KLHL1: variants seen among roughly 807,000 people sequenced by gnomAD.
KLHL1 encodes kelch like family member 1, also known as kelch-like protein 1.
KLHL1 carries 47 observed loss-of-function variants against 77.7 expected under a neutral mutation model. The ratio of observed to expected loss-of-function variants is 0.60; its 90% CI spans 0.48 to 0.77. The LOEUF is 0.77. Ranked by LOEUF, KLHL1 falls within the 30% of genes least tolerant of loss-of-function variation. KLHL1 has a pLI of 0.00. For missense variants in KLHL1, 925 were observed against 910.8 expected (o/e 1.02, Z -0.20); for synonymous variants, 360 against 325.2 (o/e 1.11, Z -1.15).
chr13:70,012,090 T>C (rs1266854694), intron 1 of KLHL1, among the ~76,000 whole-genome samples: 1 of 152,054 alleles, frequency 6.6e-6, no homozygotes, highest in Non-Finnish European at 1.5e-5. Context: ...CCCACCCCCA[T>C]GATTCCATTA....
At chr13:69,710,844 G>A (rs118068513) in intron 9 of KLHL1, among the ~76,000 whole-genome samples, 2,942 of 151,920 alleles carry the variant, frequency 0.019, 54 homozygotes, top group South Asian at 0.046. Flanking sequence ...GGTGGGTGTG[G>A]GGTCTTACTG....
intron 1 of KLHL1, among the ~76,000 whole-genome samples, chr13:70,102,176 T>G (rs1887937378): frequency 6.6e-6 from 1 of 152,170 alleles, no homozygotes; most frequent in Non-Finnish European, 1.5e-5. Flanking sequence ...GCCTGGTACA[T>G]GTCCCACTAA....
intron 1 of KLHL1, among the ~76,000 whole-genome samples, chr13:70,049,027 T>G (rs575537451): frequency 1.3e-5 from 2 of 152,244 alleles, no homozygotes; most frequent in Non-Finnish European, 2.9e-5. Context: ...TCATTTGTGA[T>G]AGCTTAGCCA....
At chr13:69,815,859 C>G (rs959572033) in intron 6 of KLHL1, among the ~76,000 whole-genome samples, 4 of 151,798 alleles carry the variant, frequency 2.6e-5, no homozygotes, top group Non-Finnish European at 5.9e-5. Flanking sequence ...AACCTCCAAC[C>G]ATCTAAATAT....
At chr13:70,004,232 G>T (rs2501244) in intron 1 of KLHL1, among the ~76,000 whole-genome samples, 1,884 of 151,814 alleles carry the variant, frequency 0.012, 35 homozygotes, top group African/African-American at 0.043. Flanking sequence ...TTGAGGATGG[G>T]GAAGCTACCA....
intron 8 of KLHL1, among the ~76,000 whole-genome samples, chr13:69,738,216 G>A (rs1051093989): frequency 6.6e-6 from 1 of 152,002 alleles, no homozygotes; most frequent in African/African-American, 2.4e-5. Context: ...CAATGAAAAA[G>A]ACCCCATAAA....
rs74593962 is a variant in KLHL1 at position 69,966,946 on chromosome 13, T to A, written c.681-5502A>T. On this transcript the variant is annotated intron_variant, in intron 2 of 10. Coordinates refer to ENST00000377844, the MANE Select transcript of KLHL1 (RefSeq NM_020866.3). Reference sequence around the variant, plus strand: ...TGTGACCATGAATGACATGATTTCATTTTTTTAATGGCTGAATAGTATTCC... The same window carrying A: ...TGTGACCATGAATGACATGATTTCAATTTTTTAATGGCTGAATAGTATTCC... 2.9e-3 allele frequency among the ~76,000 whole-genome samples: 436 copies of A among 152,282 alleles called. 8 individuals carry two copies. Among genetic ancestry groups the A allele is most frequent in the East Asian group, 0.024 (125 of 5,176 alleles).
chr13:70,101,897 T>C lies in KLHL1; in HGVS notation c.497+5306A>G, dbSNP rs140984545. 2.5e-3 allele frequency among the ~76,000 whole-genome samples: 383 copies of C among 152,044 alleles called. 2 individuals are homozygous for C. Among genetic ancestry groups the C allele is most frequent in the African/African-American group, 8.9e-3 (368 of 41,440 alleles). On this transcript the variant is annotated intron_variant, in intron 1 of 10. Coordinates refer to ENST00000377844, the MANE Select transcript of KLHL1 (RefSeq NM_020866.3). ...CCAAATAAGGTATTATTTTTGCTAG[T>C]TTTGGTTTAAATAATAGTAAACTAT...
intron 1 of KLHL1, among the ~76,000 whole-genome samples, chr13:69,977,696 T>C (rs9592670): frequency 0.61 from 92,893 of 151,850 alleles, 28,593 homozygotes; most frequent in Middle Eastern, 0.64. Context: ...TACACTGATT[T>C]GGAAAACATT....
intron 4 of KLHL1, among the ~76,000 whole-genome samples, chr13:69,926,967 A>AAAAAAAAAAAAAAC (rs1882838088): frequency 6.7e-6 from 1 of 149,874 alleles, no homozygotes; most frequent in African/African-American, 2.4e-5. Flanking sequence ...AAAAAAAAAA[A>AAAAAAAAAAAAAAC]AAAGCAGAGA....
At chr13:69,703,650 G>C (rs117133386) in intron 10 of KLHL1, among the ~76,000 whole-genome samples, 2 of 151,594 alleles carry the variant, frequency 1.3e-5, no homozygotes, top group Non-Finnish European at 3.0e-5. Flanking sequence ...GCTTCATTCA[G>C]GTTAAATAAA....
chr13:69,872,540 G>A (rs898404036), intron 5 of KLHL1, among the ~76,000 whole-genome samples: 6 of 152,034 alleles, frequency 3.9e-5, no homozygotes, highest in African/African-American at 1.4e-4. Context: ...CACTGTGTCT[G>A]TGCAACTAGG....
At chr13:69,753,342 G>C (rs1416265357) in intron 7 of KLHL1, among the ~76,000 whole-genome samples, 1 of 152,150 alleles carries the variant, frequency 6.6e-6, no homozygotes, top group Admixed American at 6.6e-5. Context: ...CTCAGGAATC[G>C]AGTCAGGAAT....
At chr13:69,965,492 C>T (rs1210791232) in intron 2 of KLHL1, among the ~76,000 whole-genome samples, 1 of 152,138 alleles carries the variant, frequency 6.6e-6, no homozygotes, top group Non-Finnish European at 1.5e-5. Context: ...CTCCATGGGT[C>T]TCCCTGTTCC....
intron 1 of KLHL1, among the ~76,000 whole-genome samples, chr13:70,102,999 T>C (rs1262741991): frequency 1.3e-5 from 2 of 152,164 alleles, no homozygotes; most frequent in African/African-American, 4.8e-5. Context: ...GATATTCATA[T>C]ATGGTTACAA....
rs191921645 is a variant in KLHL1 at position 69,704,646 on chromosome 13, T to A, written c.2188-2885A>T. On this transcript the variant is annotated intron_variant, in intron 10 of 10. Transcript: ENST00000377844. ...TCTTACCAAATAATTAATCATGCTA[T>A]TTTAAACATTTGGTATTTTTCCACA... Among the ~76,000 whole-genome samples, 864 of 151,924 alleles carry A rather than the reference T, an allele frequency of 5.7e-3. 7 individuals carry two copies. Among genetic ancestry groups the A allele is most frequent in the African/African-American group, 0.019 (774 of 41,524 alleles).
intron 1 of KLHL1, among the ~76,000 whole-genome samples, chr13:70,062,286 T>C (rs928474971): frequency 6.6e-5 from 10 of 152,242 alleles, no homozygotes; most frequent in African/African-American, 2.4e-4. Context: ...GATTTATTTA[T>C]CTGTATTTAC....
chr13:70,067,054 G>A (rs9529676), intron 1 of KLHL1, among the ~76,000 whole-genome samples: 8,930 of 152,154 alleles, frequency 0.059, 387 homozygotes, highest in Non-Finnish European at 0.088. Flanking sequence ...TTAAGAGAAC[G>A]AAGTCCTGTA....
intron 4 of KLHL1, among the ~76,000 whole-genome samples, chr13:69,929,884 T>C (rs1001558181): frequency 6.6e-6 from 1 of 151,864 alleles, no homozygotes; most frequent in Non-Finnish European, 1.5e-5. Context: ...CTTTGTTCTT[T>C]GATCAATAAA....
Sources: gnomAD v4.1 joint callset for allele counts (sites outside exome capture counted in the v4.1 genomes callset) on GRCh38, gnomAD v4.1.1 for gene constraint, MANE v1.5 for transcripts, NCBI Gene and HGNC (gene_info 2026-07-23, HGNC 2026-07-21) for gene names.